The following GLIS3 variants were observed in gnomAD, a reference collection of about 807,000 sequenced individuals.
The protein encoded by GLIS3 is zinc finger protein GLIS3.
A neutral mutation model predicts 78.6 loss-of-function variants in GLIS3; 53 were observed. That is an observed-to-expected ratio of 0.67 (90% confidence interval 0.54 to 0.85). The LOEUF (loss-of-function observed/expected upper bound fraction) is 0.85, where lower values mean the gene tolerates loss of function less well. Among genes scored for constraint, GLIS3 ranks in the 40% least tolerant of loss-of-function variants. GLIS3 has a pLI of 0.00. For missense variants in GLIS3, 1,703 were observed against 1,231.1 expected (o/e 1.38, Z -5.74); for synonymous variants, 684 against 509.9 (o/e 1.34, Z -4.60).
At chr9:4,265,897 G>GTTTTTTTTTTTT (rs148160187) in intron 2 of GLIS3, among the ~76,000 whole-genome samples, 1 of 120,694 alleles carries the variant, frequency 8.3e-6, no homozygotes, top group Non-Finnish European at 1.7e-5. Context: ...ACTCACCCTG[G>GTTTTTTTTTTTT]TTTTTTTTTT....
At chr9:4,372,387 G>C in the GLIS3 span, among the ~76,000 whole-genome samples, 3 of 151,900 alleles carry the variant, frequency 2.0e-5, no homozygotes, top group African/African-American at 7.3e-5. Context: ...GGGTGGTACT[G>C]CCCCTCCCAT....
At chr9:3,922,799 T>C (rs1424494991) in intron 6 of GLIS3, among the ~76,000 whole-genome samples, 1 of 152,118 alleles carries the variant, frequency 6.6e-6, no homozygotes, top group African/African-American at 2.4e-5. Flanking sequence ...ATATCTCAAA[T>C]TTCAGTAAGG....
intron 4 of GLIS3, among the ~76,000 whole-genome samples, chr9:4,094,330 G>C (rs568982041): frequency 1.3e-5 from 2 of 152,338 alleles, no homozygotes; most frequent in Non-Finnish European, 2.9e-5. Flanking sequence ...TGTGGCTAGT[G>C]AGAGTGCAAA....
At chr9:3,966,613 G>A (rs1000514197) in intron 4 of GLIS3, among the ~76,000 whole-genome samples, 1 of 151,808 alleles carries the variant, frequency 6.6e-6, no homozygotes, top group Admixed American at 6.6e-5. Flanking sequence ...TGGCCAACAT[G>A]GTGAAACCCT....
At chr9:4,235,849 C>G (rs1822682031) in intron 2 of GLIS3, among the ~76,000 whole-genome samples, 1 of 152,148 alleles carries the variant, frequency 6.6e-6, no homozygotes, top group Non-Finnish European at 1.5e-5. Flanking sequence ...GAAAGAAACA[C>G]AGGACTGAGT....
chr9:3,849,385 C>T (rs907772773), intron 9 of GLIS3, among the ~76,000 whole-genome samples: 12 of 152,206 alleles, frequency 7.9e-5, no homozygotes, highest in African/African-American at 2.9e-4. Context: ...TATCCATCTT[C>T]CCTGACCCCT....
intron 2 of GLIS3, among the ~76,000 whole-genome samples, chr9:4,262,175 A>C (rs1825593483): frequency 6.6e-6 from 1 of 152,080 alleles, no homozygotes; most frequent in Non-Finnish European, 1.5e-5. Flanking sequence ...GGGGGAGAAA[A>C]AGGAAAAGGA....
chr9:4,327,631 C>T (rs1817620335), intron 2 of GLIS3, among the ~76,000 whole-genome samples: 2 of 152,186 alleles, frequency 1.3e-5, no homozygotes, highest in South Asian at 2.1e-4. Flanking sequence ...CCGGAAAGGA[C>T]CTTCAGACCC....
At chr9:4,210,976 T>A (rs1286875884) in intron 2 of GLIS3, among the ~76,000 whole-genome samples, 1 of 152,154 alleles carries the variant, frequency 6.6e-6, no homozygotes, top group Non-Finnish European at 1.5e-5. Flanking sequence ...TCCACTATAT[T>A]GATAAATTTG....
chr9:3,876,077 A>C (rs1821288876), intron 8 of GLIS3, among the ~76,000 whole-genome samples: 1 of 152,164 alleles, frequency 6.6e-6, no homozygotes, highest in African/African-American at 2.4e-5. Context: ...AATTCCCCAT[A>C]AGGTGCAATC....
In GLIS3 at chr9:4,289,835, T is replaced by C. The variant is rs552374414; in HGVS notation, c.-98-3312A>G. ...CATGAAAGTTAATAAATCTTTCCTT[T>C]TGACCACTTTCAAACTCTTTGAACA... On this transcript the variant is annotated intron_variant, in intron 1 of 10. Coordinates refer to ENST00000381971, the MANE Select transcript of GLIS3 (RefSeq NM_001042413.2). Among the ~76,000 whole-genome samples, 8 of 152,310 alleles carry C rather than the reference T, an allele frequency of 5.3e-5. No homozygotes were observed. In the East Asian group the frequency reaches 1.5e-3, roughly 29 times the overall value.
chr9:4,128,345 C>T (rs1832727368), intron 2 of GLIS3, among the ~76,000 whole-genome samples: 1 of 152,236 alleles, frequency 6.6e-6, no homozygotes, highest in South Asian at 2.1e-4. Flanking sequence ...GGGAACTAAA[C>T]TCTTTACATG....
chr9:4,038,349 T>C (rs1350803166), intron 4 of GLIS3, among the ~76,000 whole-genome samples: 1 of 152,302 alleles, frequency 6.6e-6, no homozygotes, highest in East Asian at 1.9e-4. Flanking sequence ...TCTAATTACA[T>C]GAGTCACTGT....
rs145077690 is a variant in GLIS3, at chr9:4,028,190, G to A, written c.1710+89578C>T. Among the ~76,000 whole-genome samples, 1,509 of 152,248 alleles carry A rather than the reference G, an allele frequency of 9.9e-3. 35 individuals carry two copies. The highest frequency in any genetic ancestry group is 0.035 in the African/African-American group (1,437 of 41,546). On this transcript the variant is annotated intron_variant, in intron 4 of 10. Transcript: ENST00000381971. Reference sequence around the variant, plus strand: ...CATTCCTGACTCCAATGCACATATAGGAGCCTACGTATCTTAAATTTTCTG... The same window carrying A: ...CATTCCTGACTCCAATGCACATATAAGAGCCTACGTATCTTAAATTTTCTG...
chr9:4,124,027 A>G (rs997151357), intron 3 of GLIS3, among the ~76,000 whole-genome samples: 1 of 152,148 alleles, frequency 6.6e-6, no homozygotes, highest in Non-Finnish European at 1.5e-5. Context: ...CTCCAGTAAA[A>G]TGTTGAACTT....
intron 3 of GLIS3, among the ~76,000 whole-genome samples, chr9:4,124,053 T>G (rs998475132): frequency 3.9e-5 from 6 of 152,186 alleles, no homozygotes; most frequent in African/African-American, 1.4e-4. Context: ...CTTATTGAAC[T>G]GTTGCCCCTT....
the GLIS3 span, among the ~76,000 whole-genome samples, chr9:4,425,422 G>A: frequency 6.6e-6 from 1 of 152,174 alleles, no homozygotes. Flanking sequence ...TGGCATATCT[G>A]CCTTCCTGCC....
rs562687925 is a variant in GLIS3 at position 3,994,281 on chromosome 9, C to T, written c.1711-57092G>A. 4.1e-4 allele frequency among the ~76,000 whole-genome samples: 63 copies of T among 152,182 alleles called. 1 individual carries two copies. The highest frequency in any genetic ancestry group is 2.0e-3 in the Admixed American group (30 of 15,276). On this transcript the variant is annotated intron_variant, in intron 4 of 10. Coordinates refer to ENST00000381971, the MANE Select transcript of GLIS3 (RefSeq NM_001042413.2). ...CCCTTTACATTGAAAAATACAAAGC[C>T]ACTTCAATTGCCATTTCACAGTACA...
chr9:4,026,925 A>G (rs1285442222), intron 4 of GLIS3, among the ~76,000 whole-genome samples: 1 of 152,286 alleles, frequency 6.6e-6, no homozygotes, highest in African/African-American at 2.4e-5. Flanking sequence ...TACACACCTG[A>G]GAGGAGGTGG....
Sources: allele counts gnomAD v4.1 joint callset (sites outside exome capture counted in the v4.1 genomes callset), GRCh38; gene constraint gnomAD v4.1.1; transcripts MANE v1.5; gene names NCBI Gene and HGNC (gene_info 2026-07-23, HGNC 2026-07-21).